CD163L1: variants seen among roughly 807,000 people sequenced by gnomAD.
CD163L1 encodes scavenger receptor cysteine-rich type 1 protein M160.
Under a neutral mutation model 165.4 loss-of-function variants are expected in CD163L1, and 124 were observed. The observed-to-expected ratio is 0.75, with a 90% CI of 0.65 to 0.87. The LOEUF is 0.87. Among genes scored for constraint, CD163L1 ranks in the 40% least tolerant of loss-of-function variants. The pLI is 0.00. For missense variants in CD163L1, 1,525 were observed against 1,799.9 expected, an observed-to-expected ratio of 0.85 and a Z score of 2.76; for synonymous variants, 585 against 662.2, an observed-to-expected ratio of 0.88 and a Z score of 1.79.
chr12:7,437,444 T>G (rs1225716975), intron 2 of CD163L1, among the ~76,000 whole-genome samples: 2 of 151,760 alleles, frequency 1.3e-5, no homozygotes, highest in Non-Finnish European at 2.9e-5. Context: ...CATTAACTTA[T>G]CATTTACATT....
At position 7,373,328 on chromosome 12, in the gene CD163L1, G is replaced by C. The variant is rs1340244633; in HGVS notation, c.3722C>G (p.Thr1241Arg). 1.9e-6 allele frequency: 3 copies of C among 1,604,516 alleles called. No individual in the cohort carries two copies. The East Asian group carries it at 6.7e-5, about 36-fold the overall frequency. The change falls in exon 14 of 20, where the codon ACA (threonine) becomes AGA (arginine). Residue 1241 changes from threonine (T) to arginine (R), a missense_variant. Thr to Arg is a moderately conservative substitution (Grantham distance 71). Transcript: ENST00000313599. ...TTTAGAAAGATACCCACCTTCACATGTGATCCAGGTCTCTTCTGCTGGGCT... is the reference window on the plus strand; with the variant it reads ...TTTAGAAAGATACCCACCTTCACATCTGATCCAGGTCTCTTCTGCTGGGCT... The part of the protein sequence containing the change: ...ISSPAEETWI[T>R]CEDRIRVRGG...
rs751411477 is a variant in CD163L1 at position 7,374,969 on chromosome 12, A to G, written c.3002-46T>C. On this transcript the variant is annotated intron_variant, in intron 11 of 19. Coordinates refer to ENST00000313599, the MANE Select transcript of CD163L1 (RefSeq NM_174941.6). The surrounding 1 kb of genome is among the most constrained non-coding windows in gnomAD (Gnocchi z 5.4). Reference sequence around the variant, plus strand: ...TGGGGCAAAAGTAAGACCAAAATACATGGAAAAGGTTGAAGAGTTCTGTAA... The same window carrying G: ...TGGGGCAAAAGTAAGACCAAAATACGTGGAAAAGGTTGAAGAGTTCTGTAA... 2.6e-5 allele frequency: 40 copies of G among 1,538,194 alleles called. No individual in the cohort carries two copies. The highest frequency in any genetic ancestry group is 3.5e-5 in the Non-Finnish European group (39 of 1,111,176).
chr12:7,362,586 A>G (rs1242354336), intron 18 of CD163L1, among the ~76,000 whole-genome samples: 1 of 144,574 alleles, frequency 6.9e-6, no homozygotes, highest in Admixed American at 7.0e-5. Flanking sequence ...ATATCATATT[A>G]ATATAATATA....
chr12:7,380,841 T>C lies in CD163L1; in HGVS notation c.2051-1543A>G, dbSNP rs942897972. ...AATCAGAAATTAATTCTGAGCCTAA[T>C]TGAAAGAGTCAGCTTTTGAAGGAAA... On this transcript the variant is annotated intron_variant, in intron 8 of 19. Coordinates refer to ENST00000313599, the MANE Select transcript of CD163L1 (RefSeq NM_174941.6). Among the ~76,000 whole-genome samples the C allele has an allele frequency of 2.6e-5, 4 of 152,170 alleles. No individual in the cohort carries two copies. In the South Asian group the frequency reaches 6.2e-4, roughly 24 times the overall value.
In CD163L1 at chr12:7,409,321, A is replaced by G. The variant is rs1475470071; in HGVS notation, c.767-2469T>C. Among the ~76,000 whole-genome samples, 8 of 152,282 alleles carry G rather than the reference A, an allele frequency of 5.3e-5. No individual in the cohort carries two copies. The East Asian group carries it at 1.5e-3, about 29-fold the overall frequency. On this transcript the variant is annotated intron_variant, in intron 4 of 19. Coordinates refer to ENST00000313599, the MANE Select transcript of CD163L1 (RefSeq NM_174941.6). ...GCACACAAAGTTCAGAACCCACCAA[A>G]GGAGACCCTCAATAACAGCATTTCC... is the stretch of plus-strand genomic sequence containing the variant.
intron 5 of CD163L1, among the ~76,000 whole-genome samples, chr12:7,404,757 A>G (rs1346659943): frequency 1.3e-5 from 2 of 152,188 alleles, no homozygotes; most frequent in Non-Finnish European, 2.9e-5. Flanking sequence ...TTTCCTATAA[A>G]TAATGTAGGT....
chr12:7,406,878 C>T (rs781032733), intron 4 of CD163L1, 26 bp from the exon 5 acceptor site: 17 of 1,598,724 alleles, frequency 1.1e-5, no homozygotes, highest in African/African-American at 8.1e-5. Flanking sequence ...AAACACAAAG[C>T]CCAGGTGAAG....
rs770872194 is a variant in CD163L1, at chr12:7,369,344, T to C, written c.4039+13A>G. ...TGGGAGGCTCAGTTTAAGTGCAGCC[T>C]TTTCACACTTACCAGAGCACCTCAC... On this transcript the variant is annotated intron_variant, in intron 15 of 19. Coordinates refer to ENST00000313599, the MANE Select transcript of CD163L1 (RefSeq NM_174941.6). The surrounding 1 kb of genome is among the most constrained non-coding windows in gnomAD (Gnocchi z 4.9). 1 of 1,610,932 alleles carries C rather than the reference T, an allele frequency of 6.2e-7. No individual in the cohort carries two copies. Among genetic ancestry groups the C allele is most frequent in the South Asian group, 1.1e-5 (1 of 90,660 alleles).
Position 7,421,588 on chromosome 12 carries a change from CATATACATATAT to C in CD163L1, c.766+10816_766+10827del, listed in dbSNP as rs1565810671. Among the ~76,000 whole-genome samples, 179 of 91,628 alleles carry C rather than the reference CATATACATATAT, an allele frequency of 2.0e-3. 4 individuals carry two copies. The highest frequency in any genetic ancestry group is 0.01 in the Middle Eastern group (1 of 96). The allele number at this position is 91,628 out of a possible 152,430, so 60.1% of individuals were successfully genotyped here. On this transcript the variant is annotated intron_variant, in intron 4 of 19. Transcript: ENST00000313599. ...GTACATATATACATGTACATATATA[CATATACATATAT>C]GTACACATATACATATATGTACATA...
chr12:7,422,792 C>G (rs913974178), intron 4 of CD163L1, among the ~76,000 whole-genome samples: 1 of 148,396 alleles, frequency 6.7e-6, no homozygotes, highest in Non-Finnish European at 1.5e-5. Flanking sequence ...TATATACACA[C>G]AGGTGCACCC....
the CD163L1 span, among the ~76,000 whole-genome samples, chr12:7,338,452 G>A: frequency 2.0e-5 from 3 of 152,066 alleles, no homozygotes; most frequent in South Asian, 6.2e-4. Flanking sequence ...GGAATTTTAG[G>A]GAAAAAAACT....
At chr12:7,388,295 A>G (rs1211496896) in intron 8 of CD163L1, among the ~76,000 whole-genome samples, 1 of 152,228 alleles carries the variant, frequency 6.6e-6, no homozygotes, top group African/African-American at 2.4e-5. Context: ...AAAAGCTTCT[A>G]CACAGCAAAG....
chr12:7,403,413 G>C (rs1191953415), intron 6 of CD163L1, 122 bp downstream of exon 6: 1 of 890,776 alleles, frequency 1.1e-6, no homozygotes, highest in African/African-American at 1.7e-5. Flanking sequence ...TGCAGCTTAA[G>C]AGTATTTTGG....
chr12:7,439,783 A>G (rs61742598), intron 2 of CD163L1: 99,090 of 1,613,438 alleles, frequency 0.061, 5,429 homozygotes, highest in African/African-American at 0.24. Context: ...ACCCCCCTCG[A>G]TCTTTATGTC....
At chr12:7,435,535 C>G (rs2136639920) in intron 2 of CD163L1, among the ~76,000 whole-genome samples, 1 of 152,030 alleles carries the variant, frequency 6.6e-6, no homozygotes, top group African/African-American at 2.4e-5. Context: ...GCTTTATACT[C>G]TCTTGATTGG....
downstream of CD163L1, among the ~76,000 whole-genome samples, chr12:7,343,607 A>T (rs1408741255): frequency 2.0e-5 from 3 of 152,172 alleles, no homozygotes; most frequent in African/African-American, 4.8e-5. Context: ...CAAACTTTTA[A>T]ACAACCAGAT....
intron 2 of CD163L1, among the ~76,000 whole-genome samples, chr12:7,440,881 C>T (rs1948823225): frequency 1.3e-5 from 2 of 152,158 alleles, no homozygotes; most frequent in Admixed American, 6.5e-5. Context: ...CCCACCTTGG[C>T]CTCCCAAAGT....
rs189013024 is a variant in CD163L1 at position 7,403,074 on chromosome 12, T to C, written c.1408+461A>G. 2.0e-5 allele frequency among the ~76,000 whole-genome samples: 3 copies of C among 152,326 alleles called. 1 individual carries two copies. Among genetic ancestry groups the C allele is most frequent in the Admixed American group, 1.3e-4 (2 of 15,294 alleles). On this transcript the variant is annotated intron_variant, in intron 6 of 19. Transcript: ENST00000313599. ...ATGACATTCTAGATGCTTACAGAAT[T>C]ATACATCGTATCAACATATGCATAT...
At chr12:7,351,218 T>C (rs1346421057), downstream of CD163L1, among the ~76,000 whole-genome samples, 1 of 152,120 alleles carries the variant, frequency 6.6e-6, no homozygotes, top group African/African-American at 2.4e-5. Context: ...ATGTGTGTAA[T>C]ATGTGTGTGT....
Sources: gnomAD v4.1 joint callset for allele counts (sites outside exome capture counted in the v4.1 genomes callset) on GRCh38, gnomAD v4.1.1 for gene constraint, Gnocchi (gnomAD v3.1) non-coding constraint, MANE v1.5 for transcripts, NCBI Gene and HGNC (gene_info 2026-07-23, HGNC 2026-07-21) for gene names.